Variants in ARID4B observed in about 807,000 individuals in gnomAD.
ARID4B encodes the protein AT-rich interactive domain-containing protein 4B.
In ARID4B, 26 loss-of-function variants were observed where a neutral mutation model predicts 147.5. The observed-to-expected ratio is 0.18, with a 90% CI of 0.13 to 0.24. The LOEUF (loss-of-function observed/expected upper bound fraction) is 0.24. Ranked by LOEUF, ARID4B falls within the 10% of genes least tolerant of loss-of-function variation. The probability of loss-of-function intolerance (pLI) is 1.00; values close to 1 mark genes in which losing one functional copy is unlikely to be tolerated. For synonymous variants in ARID4B, 512 were observed against 507.9 expected (o/e 1.01, Z -0.11); for missense variants, 1,179 against 1,511.5 (o/e 0.78, Z 3.65).
chr1:235,253,642 A>T (rs1047247843), intron 5 of ARID4B, among the ~76,000 whole-genome samples: 2 of 152,216 alleles, frequency 1.3e-5, no homozygotes, highest in African/African-American at 4.8e-5. Flanking sequence ...AATAAAAATA[A>T]AGTACTTAAA....
At chr1:235,234,602 T>A in intron 8 of ARID4B, 110 bp from the exon 9 acceptor site, 4 of 772,224 alleles carry the variant, frequency 5.2e-6, no homozygotes, top group Non-Finnish European at 8.2e-6. Context: ...AAAAACTAAT[T>A]TTAGTTTGAG....
At chr1:235,177,652 G>T in intron 21 of ARID4B, 148 bp downstream of exon 21, 1 of 519,330 alleles carries the variant, frequency 1.9e-6, no homozygotes, top group Non-Finnish European at 3.3e-6. Flanking sequence ...AAAGCAAGTA[G>T]CCTTACAGAA....
intron 19 of ARID4B, among the ~76,000 whole-genome samples, chr1:235,185,127 T>C (rs1238671296): frequency 6.6e-6 from 1 of 152,096 alleles, no homozygotes; most frequent in African/African-American, 2.4e-5. Context: ...TGCTGACTTA[T>C]TTATAAAGTT....
At chr1:235,222,523 C>T (rs1667537755) in intron 13 of ARID4B, among the ~76,000 whole-genome samples, 1 of 152,056 alleles carries the variant, frequency 6.6e-6, no homozygotes, top group Admixed American at 6.6e-5. Flanking sequence ...AATATTAAGA[C>T]AGATCCCTGC....
At chr1:235,281,367 G>A (rs1415505286) in intron 2 of ARID4B, among the ~76,000 whole-genome samples, 4 of 152,064 alleles carry the variant, frequency 2.6e-5, no homozygotes, top group Middle Eastern at 3.2e-3. Context: ...CCTGGCCAAC[G>A]TGGTGAAACC....
At chr1:235,317,014 G>GA (rs1017761950) in intron 2 of ARID4B, among the ~76,000 whole-genome samples, 33 of 152,198 alleles carry the variant, frequency 2.2e-4, no homozygotes, top group African/African-American at 6.5e-4. Flanking sequence ...TCCAAAATCT[G>GA]AAAAAATCCC....
At chr1:235,277,156 A>C (rs1426772724) in intron 2 of ARID4B, among the ~76,000 whole-genome samples, 2 of 152,134 alleles carry the variant, frequency 1.3e-5, no homozygotes, top group South Asian at 2.1e-4. Flanking sequence ...TGAGGTGAGA[A>C]GATCACTTGA....
chr1:235,174,117 G>A (rs1221468219), intron 22 of ARID4B, among the ~76,000 whole-genome samples: 1 of 151,168 alleles, frequency 6.6e-6, no homozygotes, highest in Non-Finnish European at 1.5e-5. Flanking sequence ...TCGGCTCACT[G>A]CAACCTCCAC....
intron 2 of ARID4B, among the ~76,000 whole-genome samples, chr1:235,319,762 C>T (rs1461316811): frequency 4.0e-5 from 6 of 151,892 alleles, no homozygotes; most frequent in African/African-American, 7.3e-5. Flanking sequence ...GAGGCCAAGG[C>T]GGGCGGATCA....
At position 235,182,565 on chromosome 1, in the gene ARID4B, T is replaced by C. The variant is rs746945404; in HGVS notation, c.2354A>G (p.Asp785Gly). ...VSKSPERLRK[D>G]IEVLSEDTDY... ...AGTATCTTCGGATAATACTTCTATA[T>C]CTTTCCTTAATCTTTCTGGAGATTT... The change falls in exon 20 of 24, where the codon GAT becomes GGT. Residue 785 changes from aspartate (D) to glycine (G), a missense_variant. Physicochemically the swap from Asp to Gly is moderately conservative, Grantham distance 94. This residue lies in a region of ARID4B where 321 missense variants were observed against 342.4 expected (regional missense o/e 0.94). Coordinates refer to ENST00000264183, the MANE Select transcript of ARID4B (RefSeq NM_016374.6). The C allele has an allele frequency of 6.7e-5, 108 of 1,612,272 alleles. No homozygotes were observed. Among genetic ancestry groups the C allele is most frequent in the Non-Finnish European group, 9.0e-5 (106 of 1,179,644 alleles).
At chr1:235,308,599 C>T (rs897678347) in intron 2 of ARID4B, among the ~76,000 whole-genome samples, 1 of 152,094 alleles carries the variant, frequency 6.6e-6, no homozygotes, top group East Asian at 1.9e-4. Flanking sequence ...CTCAGCCTGC[C>T]GAGTGCCCGC....
Position 235,181,962 on chromosome 1 carries a change from T to C in ARID4B, c.2957A>G (p.Lys986Arg), listed in dbSNP as rs777381717. Reference sequence around the variant, plus strand: ...ACTATCGACATTGACTGGAGGTGGTTTTTCTAGTTCTACACTGGGTGAACA... The same window carrying C: ...ACTATCGACATTGACTGGAGGTGGTCTTTCTAGTTCTACACTGGGTGAACA... ...ESCSPSVELEKPPPVNVDSKP... is the reference protein window; with the variant it reads ...ESCSPSVELERPPPVNVDSKP... The change falls in exon 20 of 24, where the codon AAA (lysine) becomes AGA (arginine). Residue 986 changes from lysine to arginine, a missense_variant. Lys to Arg is a conservative substitution (Grantham distance 26). Around this residue, in one of 10 missense-constraint regions of ARID4B, gnomAD observed 357 missense variants for 427.3 expected, o/e 0.84. Transcript: ENST00000264183. 6.8e-6 allele frequency: 11 copies of C among 1,613,878 alleles called. No individual in the cohort carries two copies. Among genetic ancestry groups the C allele is most frequent in the Non-Finnish European group, 8.5e-6 (10 of 1,179,988 alleles).
chr1:235,262,289 T>C (rs1670340633), intron 2 of ARID4B, among the ~76,000 whole-genome samples: 2 of 152,208 alleles, frequency 1.3e-5, no homozygotes. Flanking sequence ...CCCACAATTA[T>C]ATCAGACCTC....
intron 6 of ARID4B, among the ~76,000 whole-genome samples, chr1:235,247,825 C>A (rs1669396382): frequency 6.6e-6 from 1 of 151,948 alleles, no homozygotes; most frequent in African/African-American, 2.4e-5. Context: ...CCCGTCTCTA[C>A]TAAAAATACA....
At chr1:235,255,219 CTAGATAGATAGA>C (rs1553304253) in intron 5 of ARID4B, among the ~76,000 whole-genome samples, 1 of 127,568 alleles carries the variant, frequency 7.8e-6, no homozygotes, top group Non-Finnish European at 1.7e-5. Context: ...CTGCTGGGAG[CTAGATAGATAGA>C]TAGATAGATA....
intron 2 of ARID4B, among the ~76,000 whole-genome samples, chr1:235,269,221 T>C (rs771945583): frequency 6.6e-6 from 1 of 152,222 alleles, no homozygotes; most frequent in African/African-American, 2.4e-5. Flanking sequence ...CTTTTCCTTA[T>C]ACTAAAATGT....
intron 10 of ARID4B, among the ~76,000 whole-genome samples, chr1:235,229,640 T>A (rs543011907): frequency 6.6e-6 from 1 of 152,318 alleles, no homozygotes; most frequent in African/African-American, 2.4e-5. Flanking sequence ...TTTAAATAAA[T>A]AAAAGAACAG....
At chr1:235,275,461 A>C in intron 2 of ARID4B, among the ~76,000 whole-genome samples, 1 of 152,180 alleles carries the variant, frequency 6.6e-6, no homozygotes, top group East Asian at 1.9e-4. Context: ...AGAGGGGGAA[A>C]AAGTGCACAT....
intron 2 of ARID4B, among the ~76,000 whole-genome samples, chr1:235,273,675 A>G (rs536512425): frequency 6.6e-6 from 1 of 152,230 alleles, no homozygotes; most frequent in Non-Finnish European, 1.5e-5. Flanking sequence ...AAATCTGCAA[A>G]CTAAATTCCA....
Sources: gnomAD v4.1 joint callset for allele counts (sites outside exome capture counted in the v4.1 genomes callset) on GRCh38, gnomAD v4.1.1 for gene constraint, gnomAD v4.1.1 regional missense constraint, MANE v1.5 for transcripts, NCBI Gene and HGNC (gene_info 2026-07-23, HGNC 2026-07-21) for gene names.